The following DPP10 variants were observed in gnomAD, a reference collection of about 807,000 sequenced individuals.
DPP10 encodes the protein inactive dipeptidyl peptidase 10.
A neutral mutation model predicts 120.9 loss-of-function variants in DPP10; 33 were observed. The observed-to-expected ratio is 0.27, with a 90% CI of 0.21 to 0.37. DPP10 has a LOEUF of 0.37. Ranked by LOEUF, DPP10 falls within the 10% of genes least tolerant of loss-of-function variation. The pLI is 1.00. For missense variants in DPP10, 816 were observed against 942.8 expected, an observed-to-expected ratio of 0.87 and a Z score of 1.76; for synonymous variants, 337 against 326.1, an observed-to-expected ratio of 1.03 and a Z score of -0.36.
chr2:114,919,302 T>C (rs976208779), intron 1 of DPP10, among the ~76,000 whole-genome samples: 2 of 152,222 alleles, frequency 1.3e-5, no homozygotes, highest in Non-Finnish European at 2.9e-5. Flanking sequence ...TTCACTCTTT[T>C]GTCTCACTGA....
At chr2:114,978,108 T>A (rs1444624183) in intron 1 of DPP10, among the ~76,000 whole-genome samples, 1 of 152,096 alleles carries the variant, frequency 6.6e-6, no homozygotes, top group African/African-American at 2.4e-5. Context: ...AAAAGTAGCA[T>A]GATGAATTTA....
intron 3 of DPP10, among the ~76,000 whole-genome samples, chr2:115,377,841 T>G (rs1217550996): frequency 1.3e-5 from 2 of 152,192 alleles, no homozygotes; most frequent in Non-Finnish European, 2.9e-5. Flanking sequence ...TTTGTCAGGT[T>G]TGTCAAAGAT....
At chr2:114,950,461 A>ATT (rs1203195547) in intron 1 of DPP10, among the ~76,000 whole-genome samples, 9 of 137,170 alleles carry the variant, frequency 6.6e-5, no homozygotes, top group South Asian at 2.5e-4. Flanking sequence ...CGCCCCGGTA[A>ATT]TTTTTTTATT....
At chr2:114,782,903 G>T (rs1682454257) in intron 1 of DPP10, among the ~76,000 whole-genome samples, 1 of 152,008 alleles carries the variant, frequency 6.6e-6, no homozygotes, top group South Asian at 2.1e-4. Context: ...TCAGCTTTTT[G>T]TTACAAAAAG....
chr2:115,034,237 T>C (rs1447253215), intron 1 of DPP10, among the ~76,000 whole-genome samples: 1 of 152,148 alleles, frequency 6.6e-6, no homozygotes, highest in East Asian at 1.9e-4. Context: ...CTTTCCTTTT[T>C]ACTCCTGATT....
At position 115,362,183 on chromosome 2, in the gene DPP10, T is replaced by C. The variant is rs527796954; in HGVS notation, c.271+18271T>C. Among the ~76,000 whole-genome samples the C allele has an allele frequency of 1.9e-3, 285 of 152,316 alleles. 1 individual carries two copies. Among genetic ancestry groups the C allele is most frequent in the Non-Finnish European group, 2.5e-3 (169 of 68,032 alleles). ...ATTGAATAAACAAGTATTAAACATG[T>C]AGGTGCATTCCAAAATGTCTTTAGC... On this transcript the variant is annotated intron_variant, in intron 3 of 25. Coordinates refer to ENST00000410059, the MANE Select transcript of DPP10 (RefSeq NM_020868.6).
intron 1 of DPP10, among the ~76,000 whole-genome samples, chr2:115,198,766 T>C (rs1234901755): frequency 1.3e-5 from 2 of 152,192 alleles, no homozygotes; most frequent in Non-Finnish European, 2.9e-5. Flanking sequence ...TTTACATTAC[T>C]AAATCTCCAG....
At chr2:115,358,029 G>A (rs554421696) in intron 3 of DPP10, among the ~76,000 whole-genome samples, 3 of 152,198 alleles carry the variant, frequency 2.0e-5, no homozygotes, top group Admixed American at 6.5e-5. Context: ...CTCTGTGCCT[G>A]CGATGGGAGG....
At chr2:114,781,466 G>A (rs1400491898) in intron 1 of DPP10, among the ~76,000 whole-genome samples, 3 of 152,004 alleles carry the variant, frequency 2.0e-5, no homozygotes, top group African/African-American at 7.2e-5. Context: ...TTTTGCAGAG[G>A]GGCACAGATA....
chr2:115,273,428 C>T (rs931785813), intron 1 of DPP10, among the ~76,000 whole-genome samples: 1 of 152,160 alleles, frequency 6.6e-6, no homozygotes, highest in African/African-American at 2.4e-5. Flanking sequence ...ACTCCGCCTC[C>T]CGGGTTCACA....
intron 1 of DPP10, among the ~76,000 whole-genome samples, chr2:115,181,792 A>G (rs2054095765): frequency 6.6e-6 from 1 of 152,234 alleles, no homozygotes; most frequent in African/African-American, 2.4e-5. Context: ...ACAGACTATC[A>G]TTGGCTAAAA....
At chr2:115,009,766 AAAGTAT>A (rs1702128996) in intron 1 of DPP10, among the ~76,000 whole-genome samples, 1 of 152,178 alleles carries the variant, frequency 6.6e-6, no homozygotes, top group Non-Finnish European at 1.5e-5. Flanking sequence ...CCTACAAGTT[AAAGTAT>A]AATTTTAAAA....
At chr2:115,384,028 C>T (rs372437051) in intron 3 of DPP10, among the ~76,000 whole-genome samples, 9 of 152,286 alleles carry the variant, frequency 5.9e-5, no homozygotes, top group South Asian at 2.1e-4. Context: ...TAAGTGTTGG[C>T]ATTCAGAAAA....
In DPP10 at chr2:115,031,259, A is replaced by AGAG. The variant is rs1381478655; in HGVS notation, c.61-277979_61-277977dup. ...TCAATGTATATTGAAAAGAAAAAAA[A>AGAG]GAGTGTGATATAACTTGAGAAGACA... is the stretch of plus-strand genomic sequence containing the variant. On this transcript the variant is annotated intron_variant, in intron 1 of 25. Coordinates refer to ENST00000410059, the MANE Select transcript of DPP10 (RefSeq NM_020868.6). Among the ~76,000 whole-genome samples the AGAG allele has an allele frequency of 2.0e-5, 3 of 152,340 alleles. No individual in the cohort carries two copies. In the East Asian group the frequency reaches 5.8e-4, roughly 29 times the overall value.
At chr2:114,845,630 C>G (rs986675451) in intron 1 of DPP10, among the ~76,000 whole-genome samples, 5 of 152,124 alleles carry the variant, frequency 3.3e-5, no homozygotes, top group Admixed American at 3.3e-4. Flanking sequence ...TGTTGTCTCA[C>G]TCAGCTGGAT....
intron 4 of DPP10, among the ~76,000 whole-genome samples, chr2:115,524,522 ACC>A (rs1575091574): frequency 6.6e-6 from 1 of 152,082 alleles, no homozygotes; most frequent in East Asian, 1.9e-4. Flanking sequence ...GGTTCCCTCA[ACC>A]CTTATCATTC....
intron 5 of DPP10, among the ~76,000 whole-genome samples, chr2:115,608,574 T>C (rs923039440): frequency 3.9e-5 from 6 of 152,168 alleles, no homozygotes; most frequent in African/African-American, 7.2e-5. Flanking sequence ...TTGGAACAAC[T>C]AATGTTGTTC....
intron 1 of DPP10, among the ~76,000 whole-genome samples, chr2:115,221,504 G>A (rs1053214809): frequency 6.6e-6 from 1 of 152,098 alleles, no homozygotes; most frequent in African/African-American, 2.4e-5. Context: ...AATAATAAAA[G>A]GGGATGTGAC....
chr2:115,627,084 T>G lies in DPP10; in HGVS notation c.442-62603T>G, dbSNP rs191960227. ...CCACATTTGGGGTATGTAGCTTCAG[T>G]AAGAAAAATATAGAATAACATGTTG... On this transcript the variant is annotated intron_variant, in intron 5 of 25. Coordinates refer to ENST00000410059, the MANE Select transcript of DPP10 (RefSeq NM_020868.6). Among the ~76,000 whole-genome samples the G allele has an allele frequency of 9.3e-4, 142 of 152,114 alleles. 1 individual carries two copies. Among genetic ancestry groups the G allele is most frequent in the Admixed American group, 6.1e-3 (93 of 15,278 alleles).
Sources: gnomAD v4.1 joint callset for allele counts (sites outside exome capture counted in the v4.1 genomes callset) on GRCh38, gnomAD v4.1.1 for gene constraint, MANE v1.5 for transcripts, NCBI Gene and HGNC (gene_info 2026-07-23, HGNC 2026-07-21) for gene names.